Variants in RCAN2 observed in about 807,000 individuals in gnomAD.
RCAN2 encodes the protein calcipressin-2.
RCAN2 carries 9 observed loss-of-function variants against 23.6 expected under a neutral mutation model. The ratio of observed to expected loss-of-function variants is 0.38; its 90% CI spans 0.23 to 0.67. The LOEUF (loss-of-function observed/expected upper bound fraction) is 0.67, where lower values mean the gene tolerates loss of function less well. RCAN2 is among the 30% of genes least tolerant of loss of function. The probability of loss-of-function intolerance (pLI) is 0.51; values close to 1 mark genes in which losing one functional copy is unlikely to be tolerated. For synonymous variants in RCAN2, 109 were observed against 115.7 expected (o/e 0.94, Z 0.37); for missense variants, 273 against 302.3 (o/e 0.90, Z 0.72).
At chr6:46,479,133 G>T (rs1768789610) in intron 1 of RCAN2, among the ~76,000 whole-genome samples, 1 of 152,218 alleles carries the variant, frequency 6.6e-6, no homozygotes, top group Non-Finnish European at 1.5e-5. Context: ...AAGACTTACA[G>T]TGGGCAGGCC....
chr6:46,328,294 A>C (rs1407136817), intron 2 of RCAN2, among the ~76,000 whole-genome samples: 1 of 152,200 alleles, frequency 6.6e-6, no homozygotes, highest in African/African-American at 2.4e-5. Flanking sequence ...GACAGTTGTC[A>C]ACTCATCTGT....
At chr6:46,477,864 A>T (rs1022867506) in intron 1 of RCAN2, among the ~76,000 whole-genome samples, 2 of 152,198 alleles carry the variant, frequency 1.3e-5, no homozygotes, top group Non-Finnish European at 2.9e-5. Flanking sequence ...AGCTCCTACC[A>T]TAAAATGGCT....
chr6:46,267,601 T>C (rs1439793550), intron 2 of RCAN2, among the ~76,000 whole-genome samples: 1 of 152,084 alleles, frequency 6.6e-6, no homozygotes, highest in East Asian at 1.9e-4. Context: ...GGGAGGATCA[T>C]TTGAGCCTGG....
At chr6:46,431,403 A>G (rs562462228) in intron 2 of RCAN2, among the ~76,000 whole-genome samples, 2 of 152,236 alleles carry the variant, frequency 1.3e-5, no homozygotes, top group Admixed American at 1.3e-4. Context: ...GAAAACCTCT[A>G]GAGAAAAAAA....
intron 2 of RCAN2, among the ~76,000 whole-genome samples, chr6:46,364,878 A>T (rs542822776): frequency 6.6e-6 from 1 of 152,222 alleles, no homozygotes; most frequent in East Asian, 1.9e-4. Flanking sequence ...CACCAGCCAC[A>T]CTGGCTTCTT....
intron 1 of RCAN2, among the ~76,000 whole-genome samples, chr6:46,481,917 G>A (rs907449243): frequency 6.6e-6 from 1 of 152,102 alleles, no homozygotes; most frequent in African/African-American, 2.4e-5. Context: ...GTATAGGAAT[G>A]GTGTGTTTAA....
intron 2 of RCAN2, among the ~76,000 whole-genome samples, chr6:46,277,144 G>A (rs563472810): frequency 6.6e-6 from 1 of 152,290 alleles, no homozygotes; most frequent in African/African-American, 2.4e-5. Context: ...CCCTTTGATT[G>A]TCTGTTCTCA....
chr6:46,354,205 C>CTCTGTGTGTGTG (rs1382265750), intron 2 of RCAN2, among the ~76,000 whole-genome samples: 4 of 133,070 alleles, frequency 3.0e-5, no homozygotes, highest in Admixed American at 7.5e-5. Flanking sequence ...TGTTATTTTA[C>CTCTGTGTGTGTG]TGTGTGTGTG....
chr6:46,361,559 G>C lies in RCAN2; in HGVS notation c.225+95193C>G, dbSNP rs1305307273. Among the ~76,000 whole-genome samples the C allele has an allele frequency of 3.9e-5, 6 of 152,194 alleles. No homozygotes were observed. The South Asian group carries it at 1.2e-3, about 32-fold the overall frequency. On this transcript the variant is annotated intron_variant, in intron 2 of 4. Transcript: ENST00000371374. ...CCAAGGGAACCTGAAAATACGTCTA[G>C]ATTGCAGTGAAACAAAATGGCATAT...
chr6:46,282,128 T>A (rs985098062), intron 2 of RCAN2, among the ~76,000 whole-genome samples: 7 of 152,208 alleles, frequency 4.6e-5, no homozygotes, highest in Admixed American at 4.6e-4. Context: ...GAATGACACA[T>A]ATTTTAGAAC....
At position 46,253,954 on chromosome 6, in the gene RCAN2, A is replaced by G. The variant is rs899541570; in HGVS notation, c.226-5058T>C. On this transcript the variant is annotated intron_variant, in intron 2 of 4. Transcript: ENST00000371374. ...GCTTGGATGTGTAGTACGCTATACC[A>G]TCTAGATTTGTGTAAATACACTCTA... Among the ~76,000 whole-genome samples, 4 of 152,198 alleles carry G rather than the reference A, an allele frequency of 2.6e-5. No homozygotes were observed. In the East Asian group the frequency reaches 7.7e-4, roughly 29 times the overall value.
chr6:46,285,434 G>A (rs1762342217), intron 2 of RCAN2, among the ~76,000 whole-genome samples: 1 of 152,178 alleles, frequency 6.6e-6, no homozygotes, highest in African/African-American at 2.4e-5. Flanking sequence ...GAATTACCTG[G>A]AGAGCTGTTA....
intron 2 of RCAN2, chr6:46,325,719 C>T: frequency 7.6e-7 from 1 of 1,316,022 alleles, no homozygotes; most frequent in Non-Finnish European, 9.7e-7. Context: ...CAAAGACTGA[C>T]ACAAGCTGAA....
chr6:46,306,027 C>T (rs1763055320), intron 2 of RCAN2, among the ~76,000 whole-genome samples: 1 of 151,852 alleles, frequency 6.6e-6, no homozygotes, highest in Non-Finnish European at 1.5e-5. Context: ...CCTTTATAGG[C>T]ACTGCCTGAG....
intron 2 of RCAN2, chr6:46,325,378 A>C: frequency 6.2e-7 from 1 of 1,613,348 alleles, no homozygotes; most frequent in Non-Finnish European, 8.5e-7. Context: ...GAAAAATAAG[A>C]TTGCAGGTGC....
intron 2 of RCAN2, among the ~76,000 whole-genome samples, chr6:46,361,557 T>C (rs973668213): frequency 6.6e-6 from 1 of 152,212 alleles, no homozygotes; most frequent in Non-Finnish European, 1.5e-5. Context: ...AAAATACGTC[T>C]AGATTGCAGT....
intron 1 of RCAN2, among the ~76,000 whole-genome samples, chr6:46,489,556 C>T (rs1209135804): frequency 1.3e-5 from 2 of 152,218 alleles, no homozygotes; most frequent in Non-Finnish European, 2.9e-5. Context: ...AATGATTACA[C>T]AAGTGGTTTT....
At chr6:46,460,036 T>C (rs769532894) in intron 1 of RCAN2, among the ~76,000 whole-genome samples, 1 of 151,776 alleles carries the variant, frequency 6.6e-6, no homozygotes, top group Non-Finnish European at 1.5e-5. Context: ...AACTGGTTTG[T>C]CTTTGTTTCC....
chr6:46,266,430 T>C (rs1237268649), intron 2 of RCAN2, among the ~76,000 whole-genome samples: 3 of 152,118 alleles, frequency 2.0e-5, no homozygotes, highest in Non-Finnish European at 2.9e-5. Flanking sequence ...AGGGAACACA[T>C]TGGGTAGGTG....
Sources: allele counts gnomAD v4.1 joint callset (sites outside exome capture counted in the v4.1 genomes callset), GRCh38; gene constraint gnomAD v4.1.1; transcripts MANE v1.5; gene names NCBI Gene and HGNC (gene_info 2026-07-23, HGNC 2026-07-21).